CALN1: variants seen among roughly 807,000 people sequenced by gnomAD.
CALN1 encodes calneuron 1, also known as calcium-binding protein 8.
A neutral mutation model predicts 30.6 loss-of-function variants in CALN1; 17 were observed. The observed-to-expected ratio is 0.56, with a 90% CI of 0.38 to 0.83. The LOEUF (loss-of-function observed/expected upper bound fraction) is 0.83, where lower values mean the gene tolerates loss of function less well. CALN1 is among the 40% of genes least tolerant of loss of function. The probability of loss-of-function intolerance (pLI) is 0.00; values close to 1 mark genes in which losing one functional copy is unlikely to be tolerated. For missense variants in CALN1, 291 were observed against 354.9 expected, an observed-to-expected ratio of 0.82 and a Z score of 1.45; for synonymous variants, 156 against 131.4, an observed-to-expected ratio of 1.19 and a Z score of -1.28.
intron 5 of CALN1, among the ~76,000 whole-genome samples, chr7:71,823,611 G>T (rs1247805145): frequency 6.6e-6 from 1 of 152,076 alleles, no homozygotes; most frequent in Non-Finnish European, 1.5e-5. Flanking sequence ...CCACCTACTT[G>T]GGAGACTGAG....
At chr7:72,217,542 G>A (rs1457461959) in intron 3 of CALN1, among the ~76,000 whole-genome samples, 8 of 152,094 alleles carry the variant, frequency 5.3e-5, no homozygotes, top group Admixed American at 1.3e-4. Context: ...ACACTAAGTC[G>A]TGCCAGATGA....
At chr7:72,101,548 GA>G (rs1806668537) in intron 4 of CALN1, among the ~76,000 whole-genome samples, 1 of 152,092 alleles carries the variant, frequency 6.6e-6, no homozygotes, top group African/African-American at 2.4e-5. Flanking sequence ...TCACACAACT[GA>G]ATACCCTGGA....
chr7:72,336,620 C>T (rs1802059857), intron 2 of CALN1: 1 of 910,572 alleles, frequency 1.1e-6, no homozygotes, highest in African/African-American at 1.8e-5. Context: ...GGGGTTTGGA[C>T]ACCCTAGAGA....
intron 6 of CALN1, among the ~76,000 whole-genome samples, chr7:71,799,416 G>T (rs1787164813): frequency 6.8e-6 from 1 of 146,086 alleles, no homozygotes; most frequent in African/African-American, 2.5e-5. Context: ...CAGCTCTCTG[G>T]GTCTTTTTAT....
intron 2 of CALN1, among the ~76,000 whole-genome samples, chr7:72,283,531 G>T (rs1432469605): frequency 6.6e-6 from 1 of 150,656 alleles, no homozygotes; most frequent in Admixed American, 6.6e-5. Context: ...CAAGACTCTT[G>T]ACTCTAAAAA....
At chr7:71,900,315 GCTAT>G (rs1793780569) in intron 5 of CALN1, among the ~76,000 whole-genome samples, 2 of 152,174 alleles carry the variant, frequency 1.3e-5, no homozygotes, top group South Asian at 2.1e-4. Flanking sequence ...CTTAGCCAGA[GCTAT>G]CTATCAAGAG....
intron 3 of CALN1, among the ~76,000 whole-genome samples, chr7:72,114,743 C>T (rs1474850597): frequency 6.6e-6 from 1 of 151,760 alleles, no homozygotes; most frequent in East Asian, 2.0e-4. Flanking sequence ...CCTGTAATCC[C>T]CACACTTTGG....
chr7:71,917,825 C>T (rs1231437378), intron 5 of CALN1, among the ~76,000 whole-genome samples: 2 of 152,164 alleles, frequency 1.3e-5, no homozygotes, highest in Non-Finnish European at 2.9e-5. Flanking sequence ...CAGAGCCAAA[C>T]CGTTACAATT....
intron 3 of CALN1, among the ~76,000 whole-genome samples, chr7:72,275,148 G>C (rs1797254453): frequency 6.6e-6 from 1 of 152,066 alleles, no homozygotes. Flanking sequence ...CTTGACAGCA[G>C]ATAAGGATAG....
At chr7:72,172,508 T>C (rs558003738) in intron 3 of CALN1, among the ~76,000 whole-genome samples, 1 of 152,292 alleles carries the variant, frequency 6.6e-6, no homozygotes, top group African/African-American at 2.4e-5. Flanking sequence ...ATAACTCTAG[T>C]GAACAAAGAT....
intron 2 of CALN1, among the ~76,000 whole-genome samples, chr7:72,308,937 A>G (rs1799852004): frequency 6.6e-6 from 1 of 152,244 alleles, no homozygotes; most frequent in Admixed American, 6.5e-5. Context: ...GGAAAATAGT[A>G]AACATTTTTA....
chr7:72,315,142 C>A (rs996333715), intron 2 of CALN1, among the ~76,000 whole-genome samples: 12 of 151,536 alleles, frequency 7.9e-5, no homozygotes, highest in Non-Finnish European at 1.5e-4. Flanking sequence ...AGAGTGAGAC[C>A]CTGTAACTAT....
rs1022892386 is a variant in CALN1, at chr7:72,227,332, G to A, written c.244+51354C>T. Among the ~76,000 whole-genome samples, 9 of 151,838 alleles carry A rather than the reference G, an allele frequency of 5.9e-5. No homozygotes were observed. In the East Asian group the frequency reaches 9.7e-4, roughly 16 times the overall value. On this transcript the variant is annotated intron_variant, in intron 3 of 6. Coordinates refer to ENST00000395275, the MANE Select transcript of CALN1 (RefSeq NM_031468.4). Reference sequence around the variant, plus strand: ...AGGTAAGCAGATAACTAAAGGTCAGGAGTTCAAGACCGGCCTGGCCAACAT... The same window carrying A: ...AGGTAAGCAGATAACTAAAGGTCAGAAGTTCAAGACCGGCCTGGCCAACAT...
intron 1 of CALN1, chr7:72,446,988 T>C (rs888051167): frequency 1.3e-5 from 2 of 151,610 alleles, no homozygotes; most frequent in Admixed American, 6.6e-5. Context: ...CAGTCAGTTA[T>C]ATCATTGACT....
chr7:71,916,932 G>T (rs553409359), intron 5 of CALN1, among the ~76,000 whole-genome samples: 1 of 152,314 alleles, frequency 6.6e-6, no homozygotes, highest in East Asian at 1.9e-4. Flanking sequence ...TCTGAGGACA[G>T]CTGGGGTTTT....
chr7:72,308,845 C>T (rs531171968), intron 2 of CALN1, among the ~76,000 whole-genome samples: 1 of 152,160 alleles, frequency 6.6e-6, no homozygotes, highest in Non-Finnish European at 1.5e-5. Flanking sequence ...CTAGAAGCTT[C>T]CCTGGGGATC....
intron 5 of CALN1, among the ~76,000 whole-genome samples, chr7:71,816,285 C>G (rs1788260472): frequency 1.3e-5 from 2 of 152,110 alleles, no homozygotes; most frequent in Admixed American, 1.3e-4. Context: ...AACTTGTTTT[C>G]TGCATTAGAG....
chr7:71,794,007 T>C (rs1391073632), intron 6 of CALN1, among the ~76,000 whole-genome samples: 3 of 152,232 alleles, frequency 2.0e-5, no homozygotes, highest in African/African-American at 7.2e-5. Flanking sequence ...CTCCTATTTC[T>C]TTATTGAACA....
intron 5 of CALN1, among the ~76,000 whole-genome samples, chr7:71,952,863 C>T (rs1001385531): frequency 2.0e-5 from 3 of 152,198 alleles, no homozygotes; most frequent in Admixed American, 2.0e-4. Flanking sequence ...CTTCTAATCC[C>T]CAGAAAGTCT....
Sources: gnomAD v4.1 joint callset for allele counts (sites outside exome capture counted in the v4.1 genomes callset) on GRCh38, gnomAD v4.1.1 for gene constraint, MANE v1.5 for transcripts, NCBI Gene and HGNC (gene_info 2026-07-23, HGNC 2026-07-21) for gene names.